LRRD1: variants seen among roughly 807,000 people sequenced by gnomAD.
LRRD1 encodes the protein leucine-rich repeat and death domain-containing protein 1.
Under a neutral mutation model 69.5 loss-of-function variants are expected in LRRD1, and 49 were observed. The observed-to-expected ratio is 0.70, with a 90% CI of 0.56 to 0.89. The LOEUF is 0.89. Ranked by LOEUF, LRRD1 falls within the 40% of genes least tolerant of loss-of-function variation. The probability of loss-of-function intolerance (pLI) is 0.00; values close to 1 mark genes in which losing one functional copy is unlikely to be tolerated. For missense variants in LRRD1, 853 were observed against 956.0 expected, an observed-to-expected ratio of 0.89 and a Z score of 1.42; for synonymous variants, 303 against 338.9, an observed-to-expected ratio of 0.89 and a Z score of 1.16.
rs1385714805 is a variant in LRRD1 at position 92,163,950 on chromosome 7, T to C, written c.1253A>G (p.Asn418Ser). The C allele has an allele frequency of 5.2e-6, 8 of 1,537,614 alleles. No individual in the cohort carries two copies. The East Asian group carries it at 2.0e-4, about 38-fold the overall frequency. Residue 418 changes from asparagine (N) to serine (S), a missense_variant, in exon 2 of 6, where the codon AAC becomes AGC. Asn to Ser is a conservative substitution (Grantham distance 46). This residue lies in a region of LRRD1 where 739 missense variants were observed against 808.0 expected (regional missense o/e 0.91). Coordinates refer to ENST00000458448, the MANE Select transcript of LRRD1 (RefSeq NM_001161528.2). The stretch of plus-strand genomic sequence containing the variant: ...GTTTACATGGAGTTTTCTTAAATTG[T>C]TAAGCTTATGGATGTACTTAGGGAG... ...TELPKYIHKL[N>S]NLRKLHVNRN...
rs1355263191 is a variant in LRRD1, at chr7:92,150,812, G to A, written c.2117-117C>T. The A allele has an allele frequency of 4.4e-6, 3 of 688,956 alleles. No homozygotes were observed. In the African/African-American group the frequency reaches 5.4e-5, roughly 12 times the overall value. The allele number at this position is 688,956 out of a possible 1,614,324, so 42.7% of individuals were successfully genotyped here. ...CCAGAGGACCCTCACAATGCAGCAG[G>A]TCATAAATTATTTCTGATGTCCACA... is the stretch of plus-strand genomic sequence containing the variant. On this transcript the variant is annotated intron_variant, in intron 3 of 5. Coordinates refer to ENST00000458448, the MANE Select transcript of LRRD1 (RefSeq NM_001161528.2).
intron 1 of LRRD1, among the ~76,000 whole-genome samples, chr7:92,173,691 G>A (rs1160170654): frequency 3.3e-5 from 5 of 152,124 alleles, no homozygotes; most frequent in Non-Finnish European, 7.4e-5. Flanking sequence ...GGATGCTGGC[G>A]AGGATGTGAA....
chr7:92,159,226 A>T, intron 2 of LRRD1, 23 bp from the exon 3 acceptor site: 1 of 1,355,110 alleles, frequency 7.4e-7, no homozygotes, highest in East Asian at 2.8e-5. Context: ...TTACACAATT[A>T]TACATTTATA....
In LRRD1 at chr7:92,163,690, C is replaced by G. The variant is rs1788838658; in HGVS notation, c.1513G>C (p.Asp505His). 1 of 1,499,498 alleles carries G rather than the reference C, an allele frequency of 6.7e-7. No individual in the cohort carries two copies. Among genetic ancestry groups the G allele is most frequent in the African/African-American group, 1.4e-5 (1 of 70,396 alleles). The allele number at this position is 1,499,498 out of a possible 1,614,324, so 92.9% of individuals were successfully genotyped here. A position where few individuals can be genotyped will look rare whatever the true frequency, so the allele number is the denominator to read the frequency against. Residue 505 changes from aspartate to histidine, a missense_variant, in exon 2 of 6, where the codon GAT (aspartate) becomes CAT (histidine). Transcript: ENST00000458448. ...AGCAGTTGTTTACTGAAAGATATAT[C>G]CACAGGTATTTCTGAAATATAATTT... ...NGNYISEIPV[D>H]ISFSKQLLHL...
intron 5 of LRRD1, among the ~76,000 whole-genome samples, chr7:92,145,593 C>T (rs1460019002): frequency 2.0e-5 from 3 of 152,070 alleles, no homozygotes; most frequent in Non-Finnish European, 4.4e-5. Flanking sequence ...GTGCCCACCA[C>T]CACACCGGGC....
chr7:92,164,644 G>C lies in LRRD1; in HGVS notation c.559C>G (p.Leu187Val). 1 of 1,551,774 alleles carries C rather than the reference G, an allele frequency of 6.4e-7. No homozygotes were observed. Residue 187 changes from leucine (L) to valine (V), a missense_variant, in exon 2 of 6, where the codon CTG becomes GTG. Around this residue, in one of 3 missense-constraint regions of LRRD1, gnomAD observed 739 missense variants for 808.0 expected, o/e 0.91. Coordinates refer to ENST00000458448, the MANE Select transcript of LRRD1 (RefSeq NM_001161528.2). Reference protein sequence around the residue: ...KTFQGADSGDLLGLEILSLQE... With the variant: ...KTFQGADSGDVLGLEILSLQE... ...AGGGATAGAATTTCAAGTCCTAACA[G>C]ATCACCTGAGTCTGCCCCTTGAAAT...
intron 1 of LRRD1, among the ~76,000 whole-genome samples, chr7:92,176,762 C>T (rs1299105836): frequency 6.6e-6 from 1 of 151,828 alleles, no homozygotes; most frequent in African/African-American, 2.4e-5. Flanking sequence ...GGGGTTTCTG[C>T]ATGTTAGTCA....
rs758592091 is a variant in LRRD1, at chr7:92,165,064, G to C, written c.139C>G (p.Leu47Val). 1.5e-5 allele frequency: 23 copies of C among 1,551,516 alleles called. No homozygotes were observed. Among genetic ancestry groups the C allele is most frequent in the Non-Finnish European group, 2.0e-5 (23 of 1,146,922 alleles). ...SNLINEASDY[L>V]EGKSSNQIYE... is the part of the protein sequence containing the mutation. ...ATCTGGTTAGAAGATTTCCCTTCCAGGTAATCAGAAGCTTCGTTTATCAAA... is the reference window on the plus strand; with the variant it reads ...ATCTGGTTAGAAGATTTCCCTTCCACGTAATCAGAAGCTTCGTTTATCAAA... Residue 47 changes from leucine (L) to valine (V), a missense_variant, in exon 2 of 6, where the codon CTG becomes GTG. By Grantham distance (32) the Leu-to-Val change is conservative. This residue lies in a region of LRRD1 where 99 missense variants were observed against 107.0 expected (regional missense o/e 0.92). Transcript: ENST00000458448.
chr7:92,176,133 C>T (rs1180307116), intron 1 of LRRD1, among the ~76,000 whole-genome samples: 1 of 152,160 alleles, frequency 6.6e-6, no homozygotes, highest in Non-Finnish European at 1.5e-5. Context: ...AAGTATCTTG[C>T]TTGGATTTCA....
At chr7:92,142,467 A>C (rs775119804), downstream of LRRD1, 11 of 456,642 alleles carry the variant, frequency 2.4e-5, no homozygotes, top group South Asian at 1.5e-4. Flanking sequence ...ACCTACCCGC[A>C]GAAAGAGTGC....
chr7:92,177,798 T>G (rs991074950), intron 1 of LRRD1, among the ~76,000 whole-genome samples: 1 of 152,234 alleles, frequency 6.6e-6, no homozygotes, highest in African/African-American at 2.4e-5. Flanking sequence ...GATGATATTT[T>G]GACCTACATC....
At chr7:92,169,087 T>G (rs1166648871) in intron 1 of LRRD1, among the ~76,000 whole-genome samples, 1 of 152,092 alleles carries the variant, frequency 6.6e-6, no homozygotes, top group Non-Finnish European at 1.5e-5. Flanking sequence ...TCTAGCTAAT[T>G]TTTGTATTTT....
At chr7:92,161,587 T>C (rs1489416072) in intron 2 of LRRD1, among the ~76,000 whole-genome samples, 1 of 152,148 alleles carries the variant, frequency 6.6e-6, no homozygotes, top group Non-Finnish European at 1.5e-5. Context: ...TTGTAGACAG[T>C]GACACTGGAA....
chr7:92,169,926 C>T (rs1789011752), intron 1 of LRRD1, among the ~76,000 whole-genome samples: 1 of 151,666 alleles, frequency 6.6e-6, no homozygotes, highest in South Asian at 2.1e-4. Flanking sequence ...AAAAATTAGC[C>T]AGGCGTGGTG....
At chr7:92,167,892 A>AT (rs1788951677) in intron 1 of LRRD1, among the ~76,000 whole-genome samples, 4 of 148,816 alleles carry the variant, frequency 2.7e-5, no homozygotes, top group Non-Finnish European at 4.5e-5. Flanking sequence ...AAAAAAAAAA[A>AT]AAAAAAAAAA....
At chr7:92,170,966 A>C (rs1274208277) in intron 1 of LRRD1, among the ~76,000 whole-genome samples, 1 of 152,230 alleles carries the variant, frequency 6.6e-6, no homozygotes, top group African/African-American at 2.4e-5. Context: ...TCAATGAAGA[A>C]ATTAAGGAAA....
At position 92,164,876 on chromosome 7, in the gene LRRD1, T is replaced by A. The variant is rs117954484; in HGVS notation, c.327A>T (p.Glu109Asp). Residue 109 changes from glutamate (E) to aspartate (D), a missense_variant, in exon 2 of 6, where the codon GAA (glutamate) becomes GAT (aspartate). Around this residue, in one of 3 missense-constraint regions of LRRD1, gnomAD observed 15 missense variants for 40.9 expected, o/e 0.37. Coordinates refer to ENST00000458448, the MANE Select transcript of LRRD1 (RefSeq NM_001161528.2). ...ATAGGAAGTTAACCAAAGCCTGATA[T>A]TCTGCAGTCCTCCCAGTTAGTGATG... The part of the protein sequence containing the change: ...SLSSLTGRTA[E>D]YQALVNFLSH... The A allele has an allele frequency of 7.9e-5, 122 of 1,551,646 alleles. No individual in the cohort carries two copies. In the East Asian group the frequency reaches 3.0e-3, roughly 38 times the overall value.
At chr7:92,157,820 G>A (rs1194530844) in intron 3 of LRRD1, among the ~76,000 whole-genome samples, 5 of 151,102 alleles carry the variant, frequency 3.3e-5, no homozygotes, top group South Asian at 4.2e-4. Context: ...CAAGCAATCC[G>A]CCCCCCTCGG....
At chr7:92,146,836 C>T (rs1448144277) in intron 4 of LRRD1, among the ~76,000 whole-genome samples, 2 of 150,138 alleles carry the variant, frequency 1.3e-5, no homozygotes, top group South Asian at 2.1e-4. Flanking sequence ...GTAGGAGAAT[C>T]GCTTGAATCC....
Sources: gnomAD v4.1 joint callset for allele counts (sites outside exome capture counted in the v4.1 genomes callset) on GRCh38, gnomAD v4.1.1 for gene constraint, gnomAD v4.1.1 regional missense constraint, MANE v1.5 for transcripts, NCBI Gene and HGNC (gene_info 2026-07-23, HGNC 2026-07-21) for gene names.